The following IMPG1 variants were observed in gnomAD, a reference collection of about 807,000 sequenced individuals.
IMPG1 encodes the protein interphotoreceptor matrix proteoglycan of 150 kDa.
A neutral mutation model predicts 92.0 loss-of-function variants in IMPG1; 85 were observed. That is an observed-to-expected ratio of 0.92 (90% CI 0.78 to 1.11). The LOEUF (loss-of-function observed/expected upper bound fraction) is 1.11. IMPG1 is among the 50% of genes least tolerant of loss of function. The probability of loss-of-function intolerance (pLI) is 0.00; values close to 1 mark genes in which losing one functional copy is unlikely to be tolerated. For missense variants in IMPG1, 1,022 were observed against 956.0 expected (o/e 1.07, Z -0.91); for synonymous variants, 367 against 334.1 (o/e 1.10, Z -1.08).
chr6:76,026,309 C>T (rs1357796800), intron 4 of IMPG1, among the ~76,000 whole-genome samples: 5 of 152,110 alleles, frequency 3.3e-5, no homozygotes, highest in Admixed American at 3.3e-4. Context: ...TTTTTGGCGC[C>T]CAACGTGGGG....
At chr6:76,072,021 C>CT (rs966194361) in intron 1 of IMPG1, among the ~76,000 whole-genome samples, 14 of 151,908 alleles carry the variant, frequency 9.2e-5, no homozygotes, top group South Asian at 6.2e-4. Flanking sequence ...GAAATACTTA[C>CT]TTTTTTTTGT....
rs570727650 is a variant in IMPG1 at position 75,939,336 on chromosome 6, C to T, written c.2044+7978G>A. ...TTAACATTAGGTATATCTCCTAATGCTATCCCTCCCTGCTCCCCCCCACCC... is the reference window on the plus strand; with the variant it reads ...TTAACATTAGGTATATCTCCTAATGTTATCCCTCCCTGCTCCCCCCCACCC... On this transcript the variant is annotated intron_variant, in intron 14 of 16. Transcript: ENST00000369950. 5.3e-5 allele frequency among the ~76,000 whole-genome samples: 8 copies of T among 152,242 alleles called. No homozygotes were observed. The East Asian group carries it at 1.6e-3, about 30-fold the overall frequency.
chr6:76,069,819 T>A (rs987852341), intron 1 of IMPG1, among the ~76,000 whole-genome samples: 3 of 152,188 alleles, frequency 2.0e-5, no homozygotes, highest in Non-Finnish European at 2.9e-5. Flanking sequence ...AATGAAATCA[T>A]GTCTTTTGCA....
chr6:75,987,707 C>G (rs1229075863), intron 12 of IMPG1, among the ~76,000 whole-genome samples: 1 of 150,140 alleles, frequency 6.7e-6, no homozygotes, highest in East Asian at 2.0e-4. Flanking sequence ...TGCAGTGGTG[C>G]GATCTCCGCT....
chr6:75,926,459 G>A (rs766831484), intron 15 of IMPG1, among the ~76,000 whole-genome samples: 1 of 152,064 alleles, frequency 6.6e-6, no homozygotes, highest in Non-Finnish European at 1.5e-5. Flanking sequence ...ACTTTGCTGC[G>A]GTTACAACAA....
intron 4 of IMPG1, among the ~76,000 whole-genome samples, chr6:76,029,557 A>G (rs1293785986): frequency 6.6e-6 from 1 of 152,202 alleles, no homozygotes; most frequent in Non-Finnish European, 1.5e-5. Context: ...TTTTAGACTA[A>G]CCCTGCTTGT....
Position 76,034,719 on chromosome 6 carries a change from G to T in IMPG1, c.370C>A (p.Gln124Lys). 1.2e-6 allele frequency: 2 copies of T among 1,614,040 alleles called. No individual in the cohort carries two copies. The highest frequency in any genetic ancestry group is 2.2e-5 in the South Asian group (2 of 91,074). Residue 124 changes from glutamine to lysine, a missense_variant, in exon 3 of 17, where the codon CAG becomes AAG. Physicochemically the swap from Gln to Lys is moderately conservative, Grantham distance 53. This residue lies in a region of IMPG1 where 681 missense variants were observed against 583.6 expected (regional missense o/e 1.17). Coordinates refer to ENST00000369950, the MANE Select transcript of IMPG1 (RefSeq NM_001563.4). ...LDRIPDTGEY[Q>K]DWVSICQQET... ...TGCTGGCAGATGCTGACCCAGTCCT[G>T]ATATTCCCCTGTGTCAGGGATGCGA...
At chr6:75,970,047 T>C (rs1052166390) in intron 12 of IMPG1, among the ~76,000 whole-genome samples, 1 of 152,148 alleles carries the variant, frequency 6.6e-6, no homozygotes, top group African/African-American at 2.4e-5. Flanking sequence ...GGAGGCAGAA[T>C]TGAGGATGGG....
intron 1 of IMPG1, among the ~76,000 whole-genome samples, chr6:76,047,530 T>C (rs1356388133): frequency 6.6e-6 from 1 of 152,240 alleles, no homozygotes; most frequent in Non-Finnish European, 1.5e-5. Flanking sequence ...CTGTCTTGAA[T>C]ACTAATTTGT....
chr6:76,048,898 C>T (rs762284338), intron 1 of IMPG1, among the ~76,000 whole-genome samples: 12 of 152,148 alleles, frequency 7.9e-5, no homozygotes, highest in African/African-American at 2.9e-4. Context: ...CACATGCATG[C>T]GTATGTTCAC....
At chr6:76,058,949 T>C (rs1784162448) in intron 1 of IMPG1, among the ~76,000 whole-genome samples, 1 of 152,094 alleles carries the variant, frequency 6.6e-6, no homozygotes, top group Admixed American at 6.6e-5. Flanking sequence ...AAGAAGACTG[T>C]TGAGAGTGGT....
At chr6:75,987,270 A>G (rs1426478721) in intron 12 of IMPG1, among the ~76,000 whole-genome samples, 1 of 151,624 alleles carries the variant, frequency 6.6e-6, no homozygotes, top group African/African-American at 2.4e-5. Flanking sequence ...GAAGATGGGA[A>G]GGATCGTTGA....
At chr6:75,978,448 C>T (rs1002089647) in intron 12 of IMPG1, among the ~76,000 whole-genome samples, 7 of 152,030 alleles carry the variant, frequency 4.6e-5, no homozygotes, top group Non-Finnish European at 8.8e-5. Flanking sequence ...CTATTAATGC[C>T]CCTCTGAGAA....
rs553994493 is a variant in IMPG1, at chr6:76,057,840, T to C, written c.67+14582A>G. ...CATATTGTTTGTAAAATTTTTAATA[T>C]AACATTGTGTCATCTTTCCAAGTCA... On this transcript the variant is annotated intron_variant, in intron 1 of 16. Transcript: ENST00000369950. Among the ~76,000 whole-genome samples the C allele has an allele frequency of 3.2e-4, 48 of 152,260 alleles. 1 individual carries two copies. Among genetic ancestry groups the C allele is most frequent in the Admixed American group, 8.5e-4 (13 of 15,276 alleles).
chr6:76,058,487 T>G (rs990279417), intron 1 of IMPG1, among the ~76,000 whole-genome samples: 1 of 152,176 alleles, frequency 6.6e-6, no homozygotes, highest in African/African-American at 2.4e-5. Flanking sequence ...ATTATTTTTA[T>G]TTTATAGGCA....
rs1237762959 is a variant in IMPG1, at chr6:76,026,085, ATGCGGGAAGCACTCTAGCAGGGACTCTG to A, written c.498-855_498-828del. Among the ~76,000 whole-genome samples, 505 of 152,210 alleles carry A rather than the reference ATGCGGGAAGCACTCTAGCAGGGACTCTG, an allele frequency of 3.3e-3. 4 individuals carry two copies. Among genetic ancestry groups the A allele is most frequent in the African/African-American group, 0.011 (453 of 41,536 alleles). On this transcript the variant is annotated intron_variant, in intron 4 of 16. Transcript: ENST00000369950. ...GTGTGGAACCTGGGATTCAAGCTGC[ATGCGGGAAGCACTCTAGCAGGGACTCTG>A]TGCGGGAAGCACTCTAGCAGGGACT...
chr6:75,978,756 C>T (rs1053006161), intron 12 of IMPG1, among the ~76,000 whole-genome samples: 2 of 152,120 alleles, frequency 1.3e-5, no homozygotes, highest in Admixed American at 6.5e-5. Context: ...AAATATATTC[C>T]CTTCCTCAGG....
At chr6:75,964,675 CAAAAAAA>C (rs75154439) in intron 12 of IMPG1, among the ~76,000 whole-genome samples, 1 of 81,812 alleles carries the variant, frequency 1.2e-5, no homozygotes, top group Non-Finnish European at 2.4e-5. Context: ...AGACTAGTCT[CAAAAAAA>C]AAAAAAAAAA....
At chr6:75,991,413 A>G (rs924244916) in intron 12 of IMPG1, among the ~76,000 whole-genome samples, 3 of 151,772 alleles carry the variant, frequency 2.0e-5, no homozygotes, top group African/African-American at 7.3e-5. Flanking sequence ...AAAAAAAGGC[A>G]AAAGAGGCAG....
Sources: gnomAD v4.1 joint callset for allele counts (sites outside exome capture counted in the v4.1 genomes callset) on GRCh38, gnomAD v4.1.1 for gene constraint, gnomAD v4.1.1 regional missense constraint, MANE v1.5 for transcripts, NCBI Gene and HGNC (gene_info 2026-07-23, HGNC 2026-07-21) for gene names.